SLC44A2: variants seen among roughly 807,000 people sequenced by gnomAD.
SLC44A2 encodes choline transporter-like protein 2.
SLC44A2 carries 57 observed loss-of-function variants against 90.8 expected under a neutral mutation model. The observed-to-expected ratio is 0.63, with a 90% CI of 0.51 to 0.78. The LOEUF is 0.78. SLC44A2 is among the 30% of genes least tolerant of loss of function. The pLI is 0.00. For synonymous variants in SLC44A2, 355 were observed against 360.7 expected, an observed-to-expected ratio of 0.98 and a Z score of 0.18; for missense variants, 794 against 919.7, an observed-to-expected ratio of 0.86 and a Z score of 1.77.
chr19:10,630,779 G>A (rs1230821759), intron 4 of SLC44A2, among the ~76,000 whole-genome samples: 1 of 151,860 alleles, frequency 6.6e-6, no homozygotes, highest in African/African-American at 2.4e-5. Flanking sequence ...CAAGGCAGGC[G>A]GATCACCTGA....
In SLC44A2 at chr19:10,631,902, G is replaced by T. The variant is rs766553222; in HGVS notation, c.661G>T (p.Ala221Ser). Residue 221 changes from alanine (A) to serine (S), a missense_variant, in exon 9 of 22, where the codon GCC (alanine) becomes TCC (serine). Around this residue, in one of 3 missense-constraint regions of SLC44A2, gnomAD observed 738 missense variants for 841.1 expected, o/e 0.88. Coordinates refer to ENST00000335757, the MANE Select transcript of SLC44A2 (RefSeq NM_020428.4). ...TGGAGTCCTAGAGGCGCGGCAACTC[G>T]CCATGCGCATATTTGAAGATTACAC... ...ANGVLEARQL[A>S]MRIFEDYTVS... 3 of 1,614,210 alleles carry T rather than the reference G, an allele frequency of 1.9e-6. No homozygotes were observed. Among genetic ancestry groups the T allele is most frequent in the Admixed American group, 1.7e-5 (1 of 60,024 alleles).
chr19:10,604,056 C>CA (rs1208452612), intron 1 of SLC44A2, among the ~76,000 whole-genome samples: 17 of 152,176 alleles, frequency 1.1e-4, no homozygotes, highest in African/African-American at 4.1e-4. Context: ...GGAGTACCTT[C>CA]AATCAACAAA....
Position 10,636,760 on chromosome 19 carries a change from C to T in SLC44A2, c.1591+4C>T, listed in dbSNP as rs771407371. ...TACCTGGATCAGCGGCTGAAAGGTACGTCCCACCCACGGTTCGCATTAGCT... is the reference window on the plus strand; with the variant it reads ...TACCTGGATCAGCGGCTGAAAGGTATGTCCCACCCACGGTTCGCATTAGCT... On this transcript the variant is annotated splice_donor_region_variant and intron_variant, in intron 16 of 21. Coordinates refer to ENST00000335757, the MANE Select transcript of SLC44A2 (RefSeq NM_020428.4). 1.2e-6 allele frequency: 2 copies of T among 1,612,626 alleles called. No individual in the cohort carries two copies. Among genetic ancestry groups the T allele is most frequent in the Non-Finnish European group, 8.5e-7 (1 of 1,179,258 alleles).
intron 2 of SLC44A2, among the ~76,000 whole-genome samples, chr19:10,626,580 A>T (rs1407116762): frequency 7.2e-6 from 1 of 138,364 alleles, no homozygotes. Flanking sequence ...CACCTGGCTA[A>T]TTTTTTTTTT....
chr19:10,618,005 G>A (rs1368383719), intron 1 of SLC44A2, among the ~76,000 whole-genome samples: 1 of 151,998 alleles, frequency 6.6e-6, no homozygotes, highest in Admixed American at 6.6e-5. Context: ...ATTAATCCAT[G>A]TGGAATTTTT....
intron 1 of SLC44A2, among the ~76,000 whole-genome samples, chr19:10,602,929 C>T (rs1220578549): frequency 6.6e-6 from 1 of 152,172 alleles, no homozygotes; most frequent in African/African-American, 2.4e-5. Flanking sequence ...TCTTCCAATC[C>T]CCTTTGTCCA....
chr19:10,602,490 G>T, upstream of SLC44A2: 1 of 1,229,838 alleles, frequency 8.1e-7, no homozygotes. Context: ...CCGGGCTGGG[G>T]TCGCGCTGGC....
In SLC44A2 at chr19:10,644,446, AG is replaced by A. The variant is rs926257606; in HGVS notation, c.*1069del. 9.2e-5 allele frequency: 14 copies of A among 152,268 alleles called. No individual in the cohort carries two copies. The highest frequency in any genetic ancestry group is 1.3e-4 in the Admixed American group (2 of 15,212). 9.4% of individuals were successfully genotyped at this position (152,268 alleles called of 1,614,324 possible). On this transcript the variant is annotated 3_prime_UTR_variant, in exon 22 of 22. Transcript: ENST00000335757. ...GAGAACTCCTGGCCCCAGGGGAAAG[AG>A]GGGGGGGTCTCCCGTTTCCTGTGCC...
chr19:10,641,017 G>T (rs1410013882), intron 20 of SLC44A2: 2 of 379,090 alleles, frequency 5.3e-6, no homozygotes, highest in Admixed American at 3.8e-5. Flanking sequence ...AACCCGGGAG[G>T]TGGAGGTTGC....
At chr19:10,602,522 G>T in exon 1 of SLC44A2, 2 of 1,273,942 alleles carry the variant, frequency 1.6e-6, no homozygotes. Flanking sequence ...TCCCCGCCCC[G>T]CCGCGGCCAT....
chr19:10,628,531 G>A lies in SLC44A2; in HGVS notation c.245+527G>A, dbSNP rs115231503. 7.2e-5 allele frequency among the ~76,000 whole-genome samples: 11 copies of A among 152,236 alleles called. No individual in the cohort carries two copies. In the East Asian group the frequency reaches 1.4e-3, roughly 19 times the overall value. The stretch of plus-strand genomic sequence containing the variant: ...TGTACCATTGCACTCCAGCCTGGAC[G>A]ACAGAGCGAGACCTGGTCTCAACAA... On this transcript the variant is annotated intron_variant, in intron 4 of 21. Transcript: ENST00000335757.
intron 4 of SLC44A2, among the ~76,000 whole-genome samples, chr19:10,629,038 C>T (rs2066964722): frequency 6.6e-6 from 1 of 151,626 alleles, no homozygotes; most frequent in African/African-American, 2.4e-5. Flanking sequence ...CCCGTCTCTA[C>T]TAAAAATACA....
At chr19:10,621,062 A>G (rs1384618465), upstream of SLC44A2, among the ~76,000 whole-genome samples, 1 of 152,104 alleles carries the variant, frequency 6.6e-6, no homozygotes, top group Non-Finnish European at 1.5e-5. Flanking sequence ...AGAGAAAGTC[A>G]TAGGGGTCAG....
intron 4 of SLC44A2, among the ~76,000 whole-genome samples, chr19:10,630,550 A>G (rs930082817): frequency 1.3e-5 from 2 of 150,932 alleles, no homozygotes; most frequent in Admixed American, 1.3e-4. Flanking sequence ...AGTCCCAGCT[A>G]CTCGGGAGGC....
Position 10,635,529 on chromosome 19 carries a change from G to A in SLC44A2, c.1233+14G>A, listed in dbSNP as rs115585815. ...TGCAACCCAGAGGTGGGCGTCCCCG[G>A]GGTGGGGAGGGCAGGTATTGCCCCA... On this transcript the variant is annotated intron_variant, in intron 14 of 21. Transcript: ENST00000335757. 5.1e-3 allele frequency: 8,240 copies of A among 1,608,882 alleles called. 380 individuals carry two copies. The African/African-American group carries it at 0.097, about 19-fold the overall frequency.
In SLC44A2 at chr19:10,644,038, G is replaced by C. The variant is rs1028906088; in HGVS notation, c.*653G>C. The stretch of plus-strand genomic sequence containing the variant: ...GGGGGTGTCTCCTGGCTGGGAAGGA[G>C]GGAAAGGGAGGGAGAGTTTTGCGGG... On this transcript the variant is annotated 3_prime_UTR_variant, in exon 22 of 22. Transcript: ENST00000335757. The C allele has an allele frequency of 6.5e-6, 1 of 152,730 alleles. No homozygotes were observed. Among genetic ancestry groups the C allele is most frequent in the African/African-American group, 2.4e-5 (1 of 41,412 alleles). 9.5% of individuals were successfully genotyped at this position (152,730 alleles called of 1,614,324 possible). A position where few individuals can be genotyped will look rare whatever the true frequency, so the allele number is the denominator to read the frequency against.
intron 4 of SLC44A2, among the ~76,000 whole-genome samples, 196 bp from the exon 5 acceptor site, chr19:10,630,861 C>T (rs896165088): frequency 2.7e-5 from 4 of 150,372 alleles, no homozygotes; most frequent in Admixed American, 6.7e-5. Context: ...AAAAATTAGC[C>T]GGGCTTGGTA....
chr19:10,607,125 G>A (rs908331526), intron 1 of SLC44A2, among the ~76,000 whole-genome samples: 12 of 151,890 alleles, frequency 7.9e-5, no homozygotes, highest in African/African-American at 2.2e-4. Context: ...ATGTTAGCCA[G>A]GATGGTCTCG....
chr19:10,637,339 G>A (rs1417574330), intron 16 of SLC44A2, among the ~76,000 whole-genome samples: 2 of 152,014 alleles, frequency 1.3e-5, no homozygotes, highest in Non-Finnish European at 2.9e-5. Flanking sequence ...GCAACAGAGC[G>A]AGACTCCATT....
Sources: allele counts gnomAD v4.1 joint callset (sites outside exome capture counted in the v4.1 genomes callset), GRCh38; gene constraint gnomAD v4.1.1; regional missense constraint gnomAD v4.1.1; transcripts MANE v1.5; gene names NCBI Gene and HGNC (gene_info 2026-07-23, HGNC 2026-07-21).